The following TPP2 variants were observed in gnomAD, a reference collection of about 807,000 sequenced individuals.
TPP2 encodes tripeptidyl-peptidase 2.
A neutral mutation model predicts 155.9 loss-of-function variants in TPP2; 34 were observed. The observed-to-expected ratio is 0.22, with a 90% CI of 0.17 to 0.29. The LOEUF is 0.29. TPP2 is among the 10% of genes least tolerant of loss of function. The probability of loss-of-function intolerance (pLI) is 1.00; values close to 1 mark genes in which losing one functional copy is unlikely to be tolerated. For synonymous variants in TPP2, 510 were observed against 529.4 expected (o/e 0.96, Z 0.50); for missense variants, 1,028 against 1,522.3 (o/e 0.68, Z 5.40).
intron 27 of TPP2, among the ~76,000 whole-genome samples, chr13:102,669,209 C>T (rs1017422515): frequency 3.3e-5 from 5 of 152,158 alleles, no homozygotes; most frequent in African/African-American, 9.7e-5. Context: ...GTAAATAAGG[C>T]TTCTGCCAGT....
intron 24 of TPP2, among the ~76,000 whole-genome samples, chr13:102,656,507 C>T (rs531277807): frequency 5.0e-4 from 76 of 152,232 alleles, no homozygotes; most frequent in Middle Eastern, 6.8e-3. Flanking sequence ...CGTTACCTGA[C>T]AGTCATTCTA....
intron 2 of TPP2, among the ~76,000 whole-genome samples, chr13:102,612,842 A>G (rs1056893639): frequency 6.6e-6 from 1 of 152,132 alleles, no homozygotes. Flanking sequence ...ACGACTTTCT[A>G]TTTTGCAGTT....
intron 15 of TPP2, among the ~76,000 whole-genome samples, chr13:102,639,168 C>CT (rs1566347456): frequency 6.6e-6 from 1 of 152,180 alleles, no homozygotes; most frequent in Non-Finnish European, 1.5e-5. Flanking sequence ...AACTTACACT[C>CT]TTTCACTGTG....
intron 28 of TPP2, among the ~76,000 whole-genome samples, chr13:102,675,085 G>A (rs1397615902): frequency 2.6e-5 from 4 of 152,076 alleles, no homozygotes; most frequent in Non-Finnish European, 5.9e-5. Context: ...TTCTTTTCCT[G>A]TGGAAATAAA....
intron 19 of TPP2, among the ~76,000 whole-genome samples, chr13:102,645,844 C>T (rs533901214): frequency 6.7e-4 from 102 of 152,316 alleles, no homozygotes; most frequent in African/African-American, 2.4e-3. Context: ...AACATTCCCT[C>T]GGCCAGGAGG....
chr13:102,630,057 G>A (rs201301732), intron 9 of TPP2, 39 bp from the exon 10 acceptor site: 75 of 1,566,190 alleles, frequency 4.8e-5, no homozygotes, highest in South Asian at 3.0e-4. Flanking sequence ...CAGGATCCCC[G>A]TTTGTTTTCT....
At chr13:102,607,604 T>A (rs1187144602) in intron 2 of TPP2, 1 of 425,384 alleles carries the variant, frequency 2.4e-6, no homozygotes, top group African/African-American at 2.1e-5. Flanking sequence ...ATATTAATTT[T>A]GAGATGGAGT....
chr13:102,601,064 A>G (rs976406611), intron 1 of TPP2, among the ~76,000 whole-genome samples: 6 of 151,482 alleles, frequency 4.0e-5, no homozygotes, highest in African/African-American at 1.5e-4. Context: ...CTAATTTTTT[A>G]ATTTTTTTGT....
intron 27 of TPP2, among the ~76,000 whole-genome samples, chr13:102,665,774 T>C (rs772744086): frequency 6.6e-6 from 1 of 152,218 alleles, no homozygotes; most frequent in Admixed American, 6.5e-5. Context: ...TCAGGCTACC[T>C]GAAAATACTA....
At chr13:102,633,815 CTG>C in intron 10 of TPP2, 133 bp from the exon 11 acceptor site, 1 of 1,252,982 alleles carries the variant, frequency 8.0e-7, no homozygotes, top group Non-Finnish European at 1.1e-6. Context: ...ATAGTAGTAT[CTG>C]TGTCACTATT....
At chr13:102,599,848 G>A (rs1157595943) in intron 1 of TPP2, among the ~76,000 whole-genome samples, 1 of 152,104 alleles carries the variant, frequency 6.6e-6, no homozygotes, top group Non-Finnish European at 1.5e-5. Flanking sequence ...GCCAGTAAGA[G>A]CTGGACTGGT....
Position 102,622,949 on chromosome 13 carries a change from A to G in TPP2, c.693A>G (p.Gln231=), listed in dbSNP as rs750372051. Residue 231 remains glutamine (Q), a synonymous_variant, in exon 6 of 30, where the codon CAA becomes CAG. Transcript: ENST00000376052. ...TGTTGAGAAACTACAAAGAAGCCCA[A>G]GAATATGGCTCTTTTGGCACAGCTG... ...STVLRNYKEA[Q]EYGSFGTAEM... is the part of the protein sequence containing the mutation. 4 of 1,614,226 alleles carry G rather than the reference A, an allele frequency of 2.5e-6. No homozygotes were observed. In the South Asian group the frequency reaches 3.3e-5, roughly 13 times the overall value.
intron 4 of TPP2, among the ~76,000 whole-genome samples, chr13:102,616,720 T>G (rs1880762330): frequency 6.6e-6 from 1 of 152,240 alleles, no homozygotes; most frequent in Admixed American, 6.5e-5. Context: ...AGGGTAAAAG[T>G]ACATAAATTG....
chr13:102,664,532 A>G (rs1884461475), intron 26 of TPP2, among the ~76,000 whole-genome samples: 1 of 152,190 alleles, frequency 6.6e-6, no homozygotes, highest in Non-Finnish European at 1.5e-5. Flanking sequence ...TGAAGTTTAT[A>G]TTTTGCTTAC....
chr13:102,630,221 AT>A, intron 10 of TPP2, 26 bp downstream of exon 10: 2 of 1,551,686 alleles, frequency 1.3e-6, no homozygotes, highest in Non-Finnish European at 1.8e-6. Context: ...ACGCGGAACC[AT>A]TACGTATATT....
At chr13:102,652,397 C>CATATATATAT (rs10530428) in intron 24 of TPP2, among the ~76,000 whole-genome samples, 26 of 125,524 alleles carry the variant, frequency 2.1e-4, no homozygotes, top group Non-Finnish European at 3.4e-4. Flanking sequence ...AACATACATA[C>CATATATATAT]ATATATATAT....
chr13:102,640,232 A>G, intron 15 of TPP2, 38 bp from the exon 16 acceptor site: 4 of 1,407,664 alleles, frequency 2.8e-6, no homozygotes, highest in Non-Finnish European at 3.9e-6. Context: ...TGGTCTTATA[A>G]TAAATATATA....
chr13:102,648,303 C>T (rs1285970193), intron 21 of TPP2, among the ~76,000 whole-genome samples: 1 of 152,064 alleles, frequency 6.6e-6, no homozygotes, highest in African/African-American at 2.4e-5. Context: ...TCGCTTGAGC[C>T]CTGGAGCTCT....
chr13:102,618,215 A>G (rs540212699), intron 4 of TPP2, among the ~76,000 whole-genome samples: 2 of 152,212 alleles, frequency 1.3e-5, no homozygotes, highest in African/African-American at 4.8e-5. Flanking sequence ...ACTTACCCCC[A>G]TTAAATGCTT....
Sources: allele counts gnomAD v4.1 joint callset (sites outside exome capture counted in the v4.1 genomes callset), GRCh38; gene constraint gnomAD v4.1.1; transcripts MANE v1.5; gene names NCBI Gene and HGNC (gene_info 2026-07-23, HGNC 2026-07-21).